Variants in DNAH12 observed in about 807,000 individuals in gnomAD.
DNAH12 encodes the protein axonemal beta dynein heavy chain 12.
DNAH12 carries 285 observed loss-of-function variants against 371.5 expected under a neutral mutation model. The ratio of observed to expected loss-of-function variants is 0.77; its 90% CI spans 0.70 to 0.85. DNAH12 has a LOEUF of 0.85. Among genes scored for constraint, DNAH12 ranks in the 40% least tolerant of loss-of-function variants. The pLI is 0.00. For synonymous variants in DNAH12, 1,200 were observed against 1,213.0 expected, an observed-to-expected ratio of 0.99 and a Z score of 0.22; for missense variants, 3,611 against 3,689.4, an observed-to-expected ratio of 0.98 and a Z score of 0.55.
At chr3:57,515,051 T>C (rs1016650691) in intron 4 of DNAH12, among the ~76,000 whole-genome samples, 1 of 152,032 alleles carries the variant, frequency 6.6e-6, no homozygotes, top group South Asian at 2.1e-4. Context: ...AAGCTATGCA[T>C]AGAGAAAGGG....
intron 28 of DNAH12, 92 bp downstream of exon 28, chr3:57,445,082 T>C (rs1175805311): frequency 1.5e-6 from 2 of 1,368,772 alleles, no homozygotes; most frequent in Non-Finnish European, 1.9e-6. Context: ...AGCTCAACCC[T>C]CTCAAGTGCC....
At chr3:57,302,567 A>ATATATATATATATTTTTTTTTT (rs2061380979) in intron 69 of DNAH12, among the ~76,000 whole-genome samples, 4 of 27,484 alleles carry the variant, frequency 1.5e-4, no homozygotes, top group Non-Finnish European at 1.9e-4. Flanking sequence ...ATATATATGT[A>ATATATATATATATTTTTTTTTT]TTTTTTTTTT....
intron 65 of DNAH12, among the ~76,000 whole-genome samples, chr3:57,321,780 T>C (rs1411825585): frequency 6.6e-6 from 1 of 152,200 alleles, no homozygotes; most frequent in Non-Finnish European, 1.5e-5. Context: ...ATTTATACTT[T>C]TCCCTGTTTC....
In DNAH12 at chr3:57,446,017, A is replaced by G. The variant is rs1367945542; in HGVS notation, c.4179+14T>C. 1 of 306,598 alleles carries G rather than the reference A, an allele frequency of 3.3e-6. No individual in the cohort carries two copies. The highest frequency in any genetic ancestry group is 4.6e-6 in the Non-Finnish European group (1 of 217,726). 19.0% of individuals were successfully genotyped at this position (306,598 alleles called of 1,614,324 possible). ...ATAAAATAAATAAATAAATAAATAA[A>G]TAAATAATATTACCTTAAGATTGTC... On this transcript the variant is annotated intron_variant, in intron 27 of 73. Coordinates refer to ENST00000495027, the MANE Select transcript of DNAH12 (RefSeq NM_001366028.2).
chr3:57,479,544 T>C (rs2066660790), intron 13 of DNAH12, among the ~76,000 whole-genome samples: 1 of 152,052 alleles, frequency 6.6e-6, no homozygotes, highest in East Asian at 1.9e-4. Flanking sequence ...TATCCAGAAA[T>C]TGAACTCAAC....
At chr3:57,323,683 T>C (rs1158110058) in intron 62 of DNAH12, 64 bp from the exon 63 acceptor site, 1 of 1,402,630 alleles carries the variant, frequency 7.1e-7, no homozygotes, top group African/African-American at 1.5e-5. Context: ...ATATGAATAT[T>C]ATTGAAAAAC....
At chr3:57,295,427 TA>T in intron 73 of DNAH12, 97 bp downstream of exon 73, 1 of 904,958 alleles carries the variant, frequency 1.1e-6, no homozygotes, top group South Asian at 1.9e-5. Context: ...AGCTAGATCC[TA>T]AAAGGTTTGA....
intron 72 of DNAH12, 104 bp from the exon 73 acceptor site, chr3:57,295,696 G>A: frequency 2.2e-6 from 2 of 906,046 alleles, no homozygotes; most frequent in Non-Finnish European, 1.6e-6. Flanking sequence ...AAGGACTAGA[G>A]GCATAGAGAA....
intron 40 of DNAH12, among the ~76,000 whole-genome samples, chr3:57,406,366 A>AAAAAG (rs1553681259): frequency 1.1e-4 from 16 of 151,724 alleles, no homozygotes; most frequent in East Asian, 3.8e-4. Flanking sequence ...CAAAAAAAAA[A>AAAAAG]AAAAAGAAAA....
rs141247935 is a variant in DNAH12 at position 57,306,682 on chromosome 3, A to G, written c.11189+2469T>C. Among the ~76,000 whole-genome samples, 230 of 152,120 alleles carry G rather than the reference A, an allele frequency of 1.5e-3. 1 individual carries two copies. In the Middle Eastern group the frequency reaches 0.031, roughly 20 times the overall value. On this transcript the variant is annotated intron_variant, in intron 69 of 73. Transcript: ENST00000495027. ...CCGCATAATGCCAATATCCCATCCC[A>G]CAGCACACTTTAAGAGGATTAAAGT... is the stretch of plus-strand genomic sequence containing the variant.
At chr3:57,309,282 A>G (rs1281097477) in intron 68 of DNAH12, 28 bp from the exon 69 acceptor site, 1 of 1,501,216 alleles carries the variant, frequency 6.7e-7, no homozygotes, top group South Asian at 1.3e-5. Context: ...GAAGATCACA[A>G]ATTATTCTCA....
chr3:57,389,822 G>GTGTGTGTATATATATATATATATATATA (rs1326306277), intron 45 of DNAH12, among the ~76,000 whole-genome samples: 1 of 45,816 alleles, frequency 2.2e-5, no homozygotes, highest in Non-Finnish European at 7.1e-5. Context: ...GTGTGTGTGT[G>GTGTGTGTATATATATATATATATATATA]TATATATATA....
chr3:57,403,629 T>G (rs527821695), intron 42 of DNAH12, 128 bp from the exon 43 acceptor site: 20 of 844,750 alleles, frequency 2.4e-5, no homozygotes, highest in African/African-American at 2.3e-4. Flanking sequence ...ATCCCAATTT[T>G]AAAGAGTTTA....
chr3:57,425,846 G>A (rs903416752), intron 34 of DNAH12, among the ~76,000 whole-genome samples: 1 of 151,952 alleles, frequency 6.6e-6, no homozygotes, highest in Non-Finnish European at 1.5e-5. Flanking sequence ...TGGCAAGCTA[G>A]GAGATATGGA....
At chr3:57,433,541 C>T in intron 31 of DNAH12, 34 bp from the exon 32 acceptor site, 1 of 1,542,630 alleles carries the variant, frequency 6.5e-7, no homozygotes, top group Non-Finnish European at 8.7e-7. Context: ...AAAAGCTCTC[C>T]TCATAAAATT....
intron 58 of DNAH12, among the ~76,000 whole-genome samples, chr3:57,360,603 G>A (rs892914076): frequency 6.6e-6 from 1 of 151,978 alleles, no homozygotes; most frequent in Non-Finnish European, 1.5e-5. Flanking sequence ...CAGAAGAATC[G>A]CTTGAACTCG....
rs1283510350 is a variant in DNAH12, at chr3:57,454,792, T to C, written c.3439A>G (p.Ile1147Val). The change falls in exon 23 of 74, where the codon ATA (isoleucine) becomes GTA (valine). Residue 1147 changes from isoleucine to valine, a missense_variant. By Grantham distance (29) the Ile-to-Val change is conservative. This residue lies in a region of DNAH12 where 1,314 missense variants were observed against 1,398.7 expected (regional missense o/e 0.94). Transcript: ENST00000495027. ...TGCTTTACCTCCGTCCCGCCACTTA[T>C]CACTTCCTGTGTCTCAGATGTCCAG... ...MFWTSETQEVISGGTEGLKKY... is the reference protein window; with the variant it reads ...MFWTSETQEVVSGGTEGLKKY... 6 of 1,551,188 alleles carry C rather than the reference T, an allele frequency of 3.9e-6. No homozygotes were observed. Among genetic ancestry groups the C allele is most frequent in the Admixed American group, 3.9e-5 (2 of 50,960 alleles).
In DNAH12 at chr3:57,509,221, C is replaced by T. The variant is rs777991477; in HGVS notation, c.470-9G>A. ...CACAAGAACGCTCTGCACTAAAATA[C>T]ATGGATATATTAATGCTTCTTGAAA... On this transcript the variant is annotated splice_polypyrimidine_tract_variant and intron_variant, in intron 5 of 73. Transcript: ENST00000495027. The T allele has an allele frequency of 1.1e-5, 17 of 1,608,384 alleles. No homozygotes were observed. In the East Asian group the frequency reaches 3.8e-4, roughly 36 times the overall value.
chr3:57,405,016 A>G lies in DNAH12; in HGVS notation c.6708T>C (p.Asp2236=), dbSNP rs1553680549. 1 of 1,540,016 alleles carries G rather than the reference A, an allele frequency of 6.5e-7. No individual in the cohort carries two copies. Among genetic ancestry groups the G allele is most frequent in the East Asian group, 2.5e-5 (1 of 40,140 alleles). The change falls in exon 42 of 74, where the codon GAT becomes GAC. Residue 2236 remains aspartate (D), a synonymous_variant. Transcript: ENST00000495027. ...HFSDVVDQCL[D]EYNQTHKTRM... The stretch of plus-strand genomic sequence containing the variant: ...TTGTTTTGTGTGTTTGATTATACTC[A>G]TCTAAGCACTGGTCCACAACATCAC...
Sources: gnomAD v4.1 joint callset for allele counts (sites outside exome capture counted in the v4.1 genomes callset) on GRCh38, gnomAD v4.1.1 for gene constraint, gnomAD v4.1.1 regional missense constraint, MANE v1.5 for transcripts, NCBI Gene and HGNC (gene_info 2026-07-23, HGNC 2026-07-21) for gene names.